The following CTBP2 variants were observed in gnomAD, a reference collection of about 807,000 sequenced individuals.
CTBP2 encodes C-terminal binding protein 2.
CTBP2 carries 30 observed loss-of-function variants against 80.3 expected under a neutral mutation model. That is an observed-to-expected ratio of 0.37 (90% CI 0.28 to 0.51). CTBP2 has a LOEUF of 0.51. Among genes scored for constraint, CTBP2 ranks in the 20% least tolerant of loss-of-function variants. The pLI is 0.93. For missense variants in CTBP2, 1,212 were observed against 1,375.3 expected, an observed-to-expected ratio of 0.88 and a Z score of 1.88; for synonymous variants, 594 against 587.4, an observed-to-expected ratio of 1.01 and a Z score of -0.16.
At chr10:125,098,672 G>A (rs988011722) in intron 2 of CTBP2, among the ~76,000 whole-genome samples, 1 of 110,218 alleles carries the variant, frequency 9.1e-6, no homozygotes, top group Non-Finnish European at 1.9e-5. Flanking sequence ...GAGAGAGAGA[G>A]AGAGAGAGAG....
intron 2 of CTBP2, among the ~76,000 whole-genome samples, chr10:125,103,651 C>T (rs770519361): frequency 3.3e-5 from 5 of 152,260 alleles, no homozygotes; most frequent in Middle Eastern, 3.4e-3. Flanking sequence ...AAAGTGGCCT[C>T]GAGCAGCTGG....
chr10:125,088,415 ATG>A (rs1412475188), intron 2 of CTBP2: 1 of 152,142 alleles, frequency 6.6e-6, no homozygotes, highest in Non-Finnish European at 1.5e-5. Flanking sequence ...CATACAAAGA[ATG>A]TCTCTTTACC....
chr10:125,013,960 G>A (rs918777808), intron 1 of CTBP2, among the ~76,000 whole-genome samples: 1 of 152,104 alleles, frequency 6.6e-6, no homozygotes, highest in African/African-American at 2.4e-5. Context: ...GTGATTGTTC[G>A]ATCTATCAAC....
chr10:124,989,350 G>A lies in CTBP2; in HGVS notation c.*168C>T, dbSNP rs1564986136. 1.2e-5 allele frequency: 9 copies of A among 768,230 alleles called. No individual in the cohort carries two copies. The highest frequency in any genetic ancestry group is 4.8e-5 in the South Asian group (3 of 62,770). The allele number at this position is 768,230 out of a possible 1,614,324, so 47.6% of individuals were successfully genotyped here. A position where few individuals can be genotyped will look rare whatever the true frequency, so the allele number is the denominator to read the frequency against. On this transcript the variant is annotated 3_prime_UTR_variant, in exon 9 of 9. Coordinates refer to ENST00000309035, the MANE Select transcript of CTBP2 (RefSeq NM_022802.3). ...TCTTTCAGCGCTTCCGTAAGCAGAC[G>A]ACATCTTCAGTTTTCTAGCTCTTGT...
intron 1 of CTBP2, among the ~76,000 whole-genome samples, chr10:125,157,654 G>A (rs1480986171): frequency 6.6e-6 from 1 of 151,730 alleles, no homozygotes; most frequent in Non-Finnish European, 1.5e-5. Flanking sequence ...TAGGGGGAGG[G>A]GGTGACCCAA....
At chr10:125,035,162 G>T (rs1267659335) in intron 3 of CTBP2, among the ~76,000 whole-genome samples, 2 of 152,112 alleles carry the variant, frequency 1.3e-5, no homozygotes, top group South Asian at 4.1e-4. Context: ...ATCCTCCTGC[G>T]ACAAAGGTGA....
intron 2 of CTBP2, among the ~76,000 whole-genome samples, chr10:125,102,223 T>C (rs1850741007): frequency 6.6e-6 from 1 of 152,186 alleles, no homozygotes; most frequent in Non-Finnish European, 1.5e-5. Flanking sequence ...AAGGTCAAGT[T>C]GTAAACATTT....
At chr10:125,094,969 G>C (rs1252849918) in intron 2 of CTBP2, among the ~76,000 whole-genome samples, 3 of 152,036 alleles carry the variant, frequency 2.0e-5, no homozygotes, top group Non-Finnish European at 4.4e-5. Flanking sequence ...GTGGGCTCCA[G>C]CCTCTGAAGA....
chr10:125,125,916 G>A (rs933832334), intron 1 of CTBP2, among the ~76,000 whole-genome samples: 5 of 152,228 alleles, frequency 3.3e-5, no homozygotes, highest in African/African-American at 9.6e-5. Flanking sequence ...CCCAACCAAC[G>A]TTTGTTCAAG....
At chr10:125,054,261 C>T (rs1371211918) in intron 2 of CTBP2, among the ~76,000 whole-genome samples, 1 of 152,198 alleles carries the variant, frequency 6.6e-6, no homozygotes, top group Non-Finnish European at 1.5e-5. Flanking sequence ...AAACAGTAAA[C>T]AGTATACACA....
chr10:125,089,197 C>T (rs1848423710), intron 2 of CTBP2, among the ~76,000 whole-genome samples: 1 of 152,146 alleles, frequency 6.6e-6, no homozygotes, highest in African/African-American at 2.4e-5. Flanking sequence ...GTGCTCTCGA[C>T]AATAAATTTT....
At position 125,117,204 on chromosome 10, in the gene CTBP2, G is replaced by A. The variant is rs1384211318; in HGVS notation, c.-205-6111C>T. 4.6e-5 allele frequency among the ~76,000 whole-genome samples: 7 copies of A among 152,332 alleles called. No individual in the cohort carries two copies. The South Asian group carries it at 6.2e-4, about 14-fold the overall frequency. The stretch of plus-strand genomic sequence containing the variant: ...TTGCAGTGAGGACGCGCAGTACAAC[G>A]CATTGTAACGGGGGCAGTGGGGGGT... On this transcript the variant is annotated intron_variant, in intron 1 of 10. Coordinates refer to the CTBP2 transcript ENST00000337195.
chr10:125,124,652 T>C (rs1233183325), intron 1 of CTBP2, among the ~76,000 whole-genome samples: 1 of 152,206 alleles, frequency 6.6e-6, no homozygotes, highest in African/African-American at 2.4e-5. Flanking sequence ...CACAAACCAG[T>C]GACTCTTCCA....
chr10:125,018,555 A>AC (rs1956736771), intron 1 of CTBP2, among the ~76,000 whole-genome samples: 2 of 61,514 alleles, frequency 3.3e-5, no homozygotes, highest in African/African-American at 6.7e-5. Context: ...AAACCAACCA[A>AC]CAAACAAACA....
intron 1 of CTBP2, among the ~76,000 whole-genome samples, chr10:125,017,471 G>A (rs1379881898): frequency 2.0e-5 from 3 of 152,134 alleles, no homozygotes; most frequent in African/African-American, 7.2e-5. Flanking sequence ...GTACAGGATT[G>A]CACGGGATGC....
At chr10:125,142,185 C>T (rs1011779000) in intron 1 of CTBP2, among the ~76,000 whole-genome samples, 1 of 152,178 alleles carries the variant, frequency 6.6e-6, no homozygotes, top group African/African-American at 2.4e-5. Context: ...TCAGACACGA[C>T]TCAAGACTGC....
chr10:125,159,255 T>A (rs1565075817), intron 1 of CTBP2, among the ~76,000 whole-genome samples: 1 of 149,122 alleles, frequency 6.7e-6, no homozygotes, highest in African/African-American at 2.4e-5. Flanking sequence ...CAGCCCCTCC[T>A]GCTAAACTTT....
intron 2 of CTBP2, among the ~76,000 whole-genome samples, chr10:125,050,862 T>G (rs1962564252): frequency 6.6e-6 from 1 of 152,164 alleles, no homozygotes; most frequent in South Asian, 2.1e-4. Context: ...ATGAGAATCT[T>G]CTAGAGAACT....
intron 1 of CTBP2, among the ~76,000 whole-genome samples, chr10:125,024,046 C>T (rs3781415): frequency 0.45 from 67,961 of 152,020 alleles, 15,868 homozygotes; most frequent in East Asian, 0.63. Flanking sequence ...CAGAGGCCGG[C>T]GGGACTGCCC....
Sources: gnomAD v4.1 joint callset for allele counts (sites outside exome capture counted in the v4.1 genomes callset) on GRCh38, gnomAD v4.1.1 for gene constraint, MANE v1.5 for transcripts, NCBI Gene and HGNC (gene_info 2026-07-23, HGNC 2026-07-21) for gene names.